Variants in LSM14A observed in about 807,000 individuals in gnomAD.
LSM14A encodes the protein protein LSM14 homolog A.
A neutral mutation model predicts 52.4 loss-of-function variants in LSM14A; 14 were observed. The observed-to-expected ratio is 0.27, with a 90% CI of 0.18 to 0.42. The LOEUF (loss-of-function observed/expected upper bound fraction) is 0.42. Ranked by LOEUF, LSM14A falls within the 10% of genes least tolerant of loss-of-function variation. The probability of loss-of-function intolerance (pLI) is 1.00; values close to 1 mark genes in which losing one functional copy is unlikely to be tolerated. For synonymous variants in LSM14A, 185 were observed against 200.3 expected (o/e 0.92, Z 0.64); for missense variants, 417 against 581.8 (o/e 0.72, Z 2.91).
At chr19:34,223,103 C>G (rs1185626180) in intron 9 of LSM14A, among the ~76,000 whole-genome samples, 1 of 151,836 alleles carries the variant, frequency 6.6e-6, no homozygotes, top group Non-Finnish European at 1.5e-5. Context: ...TGGAGGGTGT[C>G]AGGGTCTTGC....
At position 34,228,604 on chromosome 19, in the gene LSM14A, T is replaced by G. The variant is rs2073456926; in HGVS notation, c.*1216T>G. The G allele has an allele frequency of 6.6e-6, 1 of 152,668 alleles. No homozygotes were observed. The allele number at this position is 152,668 out of a possible 1,614,324, so 9.5% of individuals were successfully genotyped here. On this transcript the variant is annotated 3_prime_UTR_variant, in exon 10 of 10. Coordinates refer to ENST00000544216, the MANE Select transcript of LSM14A (RefSeq NM_015578.4). ...ACAGATGACTCAGTATAGAGTTCAT[T>G]GCTAATTATAAATTACTAGTGAATC... is the stretch of plus-strand genomic sequence containing the variant.
In LSM14A at chr19:34,192,825, A is replaced by G. The variant is rs533948293; in HGVS notation, c.122-1653A>G. On this transcript the variant is annotated intron_variant, in intron 1 of 9. Coordinates refer to ENST00000544216, the MANE Select transcript of LSM14A (RefSeq NM_015578.4). The stretch of plus-strand genomic sequence containing the variant: ...CCCCATCTCCGCTAAAAAAAAATAC[A>G]AAAATTAGCTGCGCATGGTGGCACA... 5.9e-5 allele frequency among the ~76,000 whole-genome samples: 9 copies of G among 151,954 alleles called. No individual in the cohort carries two copies. In the East Asian group the frequency reaches 1.8e-3, roughly 30 times the overall value.
intron 7 of LSM14A, 31 bp downstream of exon 7, chr19:34,219,604 A>C (rs759065472): frequency 6.3e-7 from 1 of 1,586,456 alleles, no homozygotes; most frequent in Non-Finnish European, 8.6e-7. Flanking sequence ...TCAGAAAATA[A>C]TCTTATTTGA....
intron 6 of LSM14A, among the ~76,000 whole-genome samples, 184 bp from the exon 7 acceptor site, chr19:34,219,207 T>A (rs552006540): frequency 6.6e-6 from 1 of 152,274 alleles, no homozygotes; most frequent in South Asian, 2.1e-4. Context: ...AGTCTACATA[T>A]TAAATATTAG....
At chr19:34,210,028 T>A (rs529457947) in intron 4 of LSM14A, among the ~76,000 whole-genome samples, 1 of 152,324 alleles carries the variant, frequency 6.6e-6, no homozygotes, top group African/African-American at 2.4e-5. Flanking sequence ...TTTCCTTATC[T>A]ATTTTTATGC....
intron 2 of LSM14A, 109 bp from the exon 3 acceptor site, chr19:34,196,525 T>C: frequency 1.9e-6 from 2 of 1,029,368 alleles, no homozygotes; most frequent in Non-Finnish European, 2.7e-6. Flanking sequence ...ATTTTATATC[T>C]AGTAGTTATA....
chr19:34,224,210 T>C (rs12972585), intron 9 of LSM14A, among the ~76,000 whole-genome samples: 20,790 of 152,136 alleles, frequency 0.14, 1,762 homozygotes, highest in Middle Eastern at 0.25. Flanking sequence ...CACACACCTG[T>C]AATCCCAGCT....
At chr19:34,215,376 T>G in intron 5 of LSM14A, 76 bp downstream of exon 5, 1 of 1,362,764 alleles carries the variant, frequency 7.3e-7, no homozygotes, top group East Asian at 2.5e-5. Flanking sequence ...ATTAGAAGGA[T>G]TTACTTCATG....
intron 1 of LSM14A, 96 bp downstream of exon 1, chr19:34,172,859 C>G: frequency 7.4e-7 from 1 of 1,358,304 alleles, no homozygotes; most frequent in South Asian, 1.5e-5. Context: ...CCTCCCCTCC[C>G]TCCGTCGAGC....
chr19:34,192,978 C>CA (rs1360355941), intron 1 of LSM14A, among the ~76,000 whole-genome samples: 4 of 148,198 alleles, frequency 2.7e-5, no homozygotes, highest in South Asian at 2.1e-4. Context: ...AACTCCATCT[C>CA]AAAAAAAAAG....
At chr19:34,208,774 TC>T (rs2071900219) in intron 3 of LSM14A, 154 bp from the exon 4 acceptor site, 1 of 591,250 alleles carries the variant, frequency 1.7e-6, no homozygotes, top group Admixed American at 3.1e-5. Context: ...CCCAAACTAT[TC>T]AGTACACTTT....
chr19:34,178,312 C>T (rs919271929), intron 1 of LSM14A, among the ~76,000 whole-genome samples: 2 of 152,188 alleles, frequency 1.3e-5, no homozygotes, highest in Admixed American at 1.3e-4. Flanking sequence ...CTAGAGATGT[C>T]ACAGACTAGC....
intron 1 of LSM14A, among the ~76,000 whole-genome samples, chr19:34,192,316 G>GTTTTTTTTTTGTTTTTT: frequency 1.5e-5 from 1 of 65,784 alleles, no homozygotes; most frequent in Non-Finnish European, 2.9e-5. Context: ...CATTCTTTTT[G>GTTTTTTTTTTGTTTTTT]TTGTTTTTTT....
At chr19:34,182,138 CTTG>C in intron 1 of LSM14A, among the ~76,000 whole-genome samples, 1 of 152,132 alleles carries the variant, frequency 6.6e-6, no homozygotes, top group Non-Finnish European at 1.5e-5. Context: ...ATTCCTGTTT[CTTG>C]TTTCCAATAT....
chr19:34,196,754 G>A lies in LSM14A; in HGVS notation c.406G>A (p.Val136Ile), dbSNP rs943100597. Residue 136 changes from valine to isoleucine, a missense_variant, in exon 3 of 10, where the codon GTT becomes ATT. Val to Ile is a conservative substitution (Grantham distance 29). Transcript: ENST00000544216. ...CTTAGTTGGGCAGCAGTTTGGTGCTGTTGGTGTTGGTATGTTTTCTTTTTC... is the reference window on the plus strand; with the variant it reads ...CTTAGTTGGGCAGCAGTTTGGTGCTATTGGTGTTGGTATGTTTTCTTTTTC... ...SSLVGQQFGA[V>I]GVAGSSLTSF... 6.2e-7 allele frequency: 1 copy of A among 1,600,246 alleles called. No homozygotes were observed. The highest frequency in any genetic ancestry group is 8.5e-7 in the Non-Finnish European group (1 of 1,176,446).
chr19:34,221,112 C>T (rs993992000), intron 8 of LSM14A, among the ~76,000 whole-genome samples: 14 of 120,948 alleles, frequency 1.2e-4, no homozygotes, highest in Admixed American at 2.9e-4. Context: ...GATGGAGTTT[C>T]GCTCTTGTCA....
At chr19:34,173,205 G>C (rs2068836180) in intron 1 of LSM14A, among the ~76,000 whole-genome samples, 2 of 152,206 alleles carry the variant, frequency 1.3e-5, no homozygotes, top group South Asian at 2.1e-4. Context: ...AATTCGTGGC[G>C]ATCTTCCTCT....
chr19:34,206,535 C>T (rs927341519), intron 3 of LSM14A, among the ~76,000 whole-genome samples: 1 of 151,732 alleles, frequency 6.6e-6, no homozygotes, highest in Non-Finnish European at 1.5e-5. Flanking sequence ...ATTAGTTGGG[C>T]ATGGTGGCGC....
At chr19:34,219,679 T>C in intron 7 of LSM14A, 27 bp from the exon 8 acceptor site, 1 of 1,594,926 alleles carries the variant, frequency 6.3e-7, no homozygotes, top group Non-Finnish European at 8.5e-7. Context: ...CTGTCTTGAC[T>C]TTTCTGATAT....
Sources: allele counts gnomAD v4.1 joint callset (sites outside exome capture counted in the v4.1 genomes callset), GRCh38; gene constraint gnomAD v4.1.1; transcripts MANE v1.5; gene names NCBI Gene and HGNC (gene_info 2026-07-23, HGNC 2026-07-21).